Variants in RMDN2 observed in about 807,000 individuals in gnomAD.
The protein encoded by RMDN2 is regulator of microtubule dynamics 2.
RMDN2 carries 61 observed loss-of-function variants against 52.8 expected under a neutral mutation model. The ratio of observed to expected loss-of-function variants is 1.16; its 90% CI spans 0.94 to 1.43. The LOEUF is 1.43. Among genes scored for constraint, RMDN2 ranks in the 40% most tolerant of loss-of-function variants. RMDN2 has a pLI of 0.00. For missense variants in RMDN2, 592 were observed against 475.3 expected, an observed-to-expected ratio of 1.25 and a Z score of -2.28; for synonymous variants, 180 against 153.1, an observed-to-expected ratio of 1.18 and a Z score of -1.30.
At chr2:37,951,246 G>T in intron 2 of RMDN2, 4 of 1,592,542 alleles carry the variant, frequency 2.5e-6, no homozygotes, top group South Asian at 1.1e-5. Flanking sequence ...CTGCAAAGAG[G>T]ACCAGAGCTT....
rs189226323 is a variant in RMDN2, at chr2:38,007,026, G to T, written c.1179+2810G>T. On this transcript the variant is annotated intron_variant, in intron 10 of 10. Coordinates refer to ENST00000354545, the MANE Select transcript of RMDN2 (RefSeq NM_001170791.3). ...TTACATTTATTGATCTACGTATGTT[G>T]AACCAGCCTTGCATCCCAGGGATGA... is the stretch of plus-strand genomic sequence containing the variant. Among the ~76,000 whole-genome samples the T allele has an allele frequency of 7.6e-3, 1,157 of 152,274 alleles. 5 individuals are homozygous for T. The highest frequency in any genetic ancestry group is 0.011 in the Non-Finnish European group (748 of 68,026).
At chr2:38,013,727 G>T (rs1400867678) in intron 10 of RMDN2, among the ~76,000 whole-genome samples, 3 of 152,114 alleles carry the variant, frequency 2.0e-5, no homozygotes, top group African/African-American at 7.2e-5. Context: ...CATTCACTCT[G>T]CCTTCCTGTT....
intron 2 of RMDN2, among the ~76,000 whole-genome samples, chr2:37,954,303 G>A (rs1169156413): frequency 1.3e-5 from 2 of 151,920 alleles, no homozygotes; most frequent in African/African-American, 4.8e-5. Flanking sequence ...TTTGCATTAT[G>A]TTTTCTTTTA....
At chr2:37,950,587 G>A (rs1357489721) in intron 2 of RMDN2, 1 of 1,613,182 alleles carries the variant, frequency 6.2e-7, no homozygotes, top group African/African-American at 1.3e-5. Context: ...CAATGGGAAA[G>A]TGCTTAAGGT....
chr2:37,995,683 T>C lies in RMDN2; in HGVS notation c.946-1733T>C, dbSNP rs117947184. Among the ~76,000 whole-genome samples the C allele has an allele frequency of 7.7e-4, 118 of 152,276 alleles. 1 individual carries two copies. In the East Asian group the frequency reaches 0.019, roughly 25 times the overall value. On this transcript the variant is annotated intron_variant, in intron 7 of 10. Coordinates refer to ENST00000354545, the MANE Select transcript of RMDN2 (RefSeq NM_001170791.3). ...AGCCATGTGGCTAACCATTGGAGAA[T>C]AGACATCTTTTCAAGCATATGCAGA...
At chr2:38,032,561 T>G (rs1226586821) in intron 10 of RMDN2, among the ~76,000 whole-genome samples, 1 of 152,200 alleles carries the variant, frequency 6.6e-6, no homozygotes, top group Non-Finnish European at 1.5e-5. Context: ...ACTTACAGGC[T>G]GGGCACAGTG....
intron 2 of RMDN2, among the ~76,000 whole-genome samples, chr2:37,932,369 AG>A (rs1666836056): frequency 3.3e-5 from 5 of 152,038 alleles, no homozygotes; most frequent in Admixed American, 3.3e-4. Context: ...CAGAGAGCAC[AG>A]GGTTGGGGGT....
intron 2 of RMDN2, chr2:37,951,421 G>A (rs1668776948): frequency 6.2e-7 from 1 of 1,612,692 alleles, no homozygotes; most frequent in Non-Finnish European, 8.5e-7. Context: ...TCTGTATCAA[G>A]TCCATCTTTC....
chr2:37,994,369 G>T (rs1310503042), intron 7 of RMDN2, among the ~76,000 whole-genome samples: 1 of 152,208 alleles, frequency 6.6e-6, no homozygotes, highest in African/African-American at 2.4e-5. Context: ...AGAAATTTCA[G>T]AAGGACTTAA....
chr2:37,948,803 T>A (rs1432637123), intron 2 of RMDN2, among the ~76,000 whole-genome samples: 1 of 152,194 alleles, frequency 6.6e-6, no homozygotes, highest in East Asian at 1.9e-4. Context: ...GTCTGCATAA[T>A]CATAGATTTG....
chr2:38,017,173 A>G lies in RMDN2; in HGVS notation c.1180-13A>G. The G allele has an allele frequency of 1.3e-6, 2 of 1,485,140 alleles. No individual in the cohort carries two copies. Among genetic ancestry groups the G allele is most frequent in the South Asian group, 1.3e-5 (1 of 78,804 alleles). The allele number at this position is 1,485,140 out of a possible 1,614,324, so 92.0% of individuals were successfully genotyped here. ...GCATGAAATTTCATTATGTATTTGT[A>G]TTTTCTTTATAGGATAAAGAGGCAC... On this transcript the variant is annotated splice_polypyrimidine_tract_variant and intron_variant, in intron 10 of 10. Transcript: ENST00000354545.
At chr2:37,961,094 T>A (rs1670166855) in intron 2 of RMDN2, among the ~76,000 whole-genome samples, 1 of 152,202 alleles carries the variant, frequency 6.6e-6, no homozygotes, top group African/African-American at 2.4e-5. Context: ...GTTGGTAACC[T>A]GACCTTTCTC....
At chr2:37,979,859 TTTTTA>T (rs1435177158) in intron 4 of RMDN2, among the ~76,000 whole-genome samples, 5 of 152,212 alleles carry the variant, frequency 3.3e-5, no homozygotes, top group African/African-American at 1.2e-4. Context: ...ATTGATTTAG[TTTTTA>T]ATGTTTTTAC....
At chr2:37,984,679 T>C (rs989066125) in intron 5 of RMDN2, among the ~76,000 whole-genome samples, 1 of 152,188 alleles carries the variant, frequency 6.6e-6, no homozygotes, top group Non-Finnish European at 1.5e-5. Context: ...TTAGTAGTTG[T>C]TGAAACAGTA....
chr2:38,034,302 C>T (rs750466299), intron 10 of RMDN2, among the ~76,000 whole-genome samples: 4 of 152,160 alleles, frequency 2.6e-5, no homozygotes, highest in Non-Finnish European at 5.9e-5. Context: ...ATAGGCTCAC[C>T]CTCTACCACT....
intron 10 of RMDN2, among the ~76,000 whole-genome samples, chr2:38,008,063 C>G (rs1172099171): frequency 1.3e-5 from 2 of 152,170 alleles, no homozygotes; most frequent in Non-Finnish European, 2.9e-5. Context: ...GCACTGTAGT[C>G]TGAGAGACAG....
At chr2:38,019,508 G>A (rs569330370), downstream of RMDN2, among the ~76,000 whole-genome samples, 1 of 152,278 alleles carries the variant, frequency 6.6e-6, no homozygotes, top group South Asian at 2.1e-4. Flanking sequence ...AGTCTTTAGA[G>A]AATTAGGAGT....
At chr2:37,950,824 C>T (rs1668685346) in intron 2 of RMDN2, among the ~76,000 whole-genome samples, 1 of 152,114 alleles carries the variant, frequency 6.6e-6, no homozygotes, top group Non-Finnish European at 1.5e-5. Context: ...CATTTAAATA[C>T]AGTAGTTAGT....
chr2:37,988,044 G>A (rs1052538946), intron 5 of RMDN2, among the ~76,000 whole-genome samples: 1 of 152,254 alleles, frequency 6.6e-6, no homozygotes, highest in African/African-American at 2.4e-5. Flanking sequence ...GGGCGATAGA[G>A]CATGTCTTCA....
Sources: allele counts gnomAD v4.1 joint callset (sites outside exome capture counted in the v4.1 genomes callset), GRCh38; gene constraint gnomAD v4.1.1; transcripts MANE v1.5; gene names NCBI Gene and HGNC (gene_info 2026-07-23, HGNC 2026-07-21).